Variants in TPTE observed in about 807,000 individuals in gnomAD.
TPTE encodes the protein transmembrane phosphatase with tensin homology, also known as putative tyrosine-protein phosphatase TPTE.
In TPTE, 59 loss-of-function variants were observed where a neutral mutation model predicts 84.1. That is an observed-to-expected ratio of 0.70 (90% CI 0.57 to 0.87). The LOEUF is 0.87. Ranked by LOEUF, TPTE falls within the 40% of genes least tolerant of loss-of-function variation. The pLI, the probability that TPTE is intolerant of heterozygous loss-of-function variation, is 0.00. For missense variants in TPTE, 382 were observed against 659.6 expected (o/e 0.58, Z 4.61); for synonymous variants, 130 against 223.5 (o/e 0.58, Z 3.73).
At chr21:10,532,016 G>A (rs897429931) in intron 3 of TPTE, among the ~76,000 whole-genome samples, 1 of 152,306 alleles carries the variant, frequency 6.6e-6, no homozygotes, top group African/African-American at 2.4e-5. Flanking sequence ...GATACTTATG[G>A]CATCCCTACA....
At chr21:10,602,432 A>G (rs1978664818) in intron 22 of TPTE, among the ~76,000 whole-genome samples, 2 of 152,302 alleles carry the variant, frequency 1.3e-5, no homozygotes, top group African/African-American at 4.8e-5. Context: ...GATGCTAAAA[A>G]AAAAAAACCC....
intron 19 of TPTE, among the ~76,000 whole-genome samples, chr21:10,593,644 C>T (rs1270487790): frequency 2.0e-5 from 3 of 152,306 alleles, no homozygotes. Context: ...TACTATGATT[C>T]TCATAAATTA....
intron 4 of TPTE, among the ~76,000 whole-genome samples, chr21:10,540,511 C>G (rs2074349422): frequency 6.6e-6 from 1 of 152,256 alleles, no homozygotes; most frequent in Admixed American, 6.5e-5. Flanking sequence ...AGAAGCGAAT[C>G]CTGCTTGCAG....
At chr21:10,604,810 T>C (rs530363831) in intron 23 of TPTE, among the ~76,000 whole-genome samples, 90 of 152,050 alleles carry the variant, frequency 5.9e-4, no homozygotes, top group Admixed American at 1.2e-3. Context: ...TTTATTCTTA[T>C]TTTATATAAA....
At chr21:10,590,949 A>T (rs2075463317) in intron 18 of TPTE, among the ~76,000 whole-genome samples, 1 of 152,308 alleles carries the variant, frequency 6.6e-6, no homozygotes, top group Non-Finnish European at 1.5e-5. Context: ...TTCAGTAATC[A>T]AGATGCTTCC....
Position 10,561,167 on chromosome 21 carries a change from T to A in TPTE, c.422T>A (p.Val141Asp). The change falls in exon 10 of 24, where the codon GTT (valine) becomes GAT (aspartate). Residue 141 changes from valine to aspartate, a missense_variant. Physicochemically the swap from Val to Asp is radical, Grantham distance 152 (BLOSUM62 -3). Around this residue, in one of 10 missense-constraint regions of TPTE, gnomAD observed 85 missense variants for 230.9 expected, o/e 0.37. Transcript: ENST00000618007. ...ATTGCCTTATTTTTTCTCATGGATG[T>A]TCTTCTTCGAGTATTTGTAGAAAGG... ...LAIALFFLMD[V>D]LLRVFVERRQ... 1.2e-6 allele frequency: 2 copies of A among 1,610,830 alleles called. No individual in the cohort carries two copies. The highest frequency in any genetic ancestry group is 2.2e-5 in the East Asian group (1 of 44,824).
At chr21:10,531,182 A>T (rs1375245089) in intron 3 of TPTE, among the ~76,000 whole-genome samples, 4 of 152,306 alleles carry the variant, frequency 2.6e-5, no homozygotes, top group African/African-American at 9.6e-5. Context: ...TATTGTTTGG[A>T]GATTTGTACC....
At chr21:10,529,967 A>G (rs1276308381) in intron 3 of TPTE, among the ~76,000 whole-genome samples, 1 of 152,290 alleles carries the variant, frequency 6.6e-6, no homozygotes, top group Non-Finnish European at 1.5e-5. Flanking sequence ...TCATTCTATT[A>G]TAAGGAGAGC....
intron 10 of TPTE, among the ~76,000 whole-genome samples, chr21:10,562,353 A>G (rs1361678304): frequency 8.5e-5 from 13 of 152,304 alleles, no homozygotes; most frequent in African/African-American, 1.7e-4. Context: ...CCAGACACCA[A>G]AGAACATCTG....
intron 20 of TPTE, 28 bp from the exon 21 acceptor site, chr21:10,597,987 A>C: frequency 6.2e-7 from 1 of 1,611,952 alleles, no homozygotes; most frequent in East Asian, 2.2e-5. Context: ...AGCCAACCTA[A>C]CTTTTTAATT....
At chr21:10,597,082 G>C (rs562162889) in intron 20 of TPTE, among the ~76,000 whole-genome samples, 2 of 152,308 alleles carry the variant, frequency 1.3e-5, no homozygotes, top group East Asian at 1.9e-4. Context: ...TCAATGTAGA[G>C]TTGAGAGGAA....
chr21:10,557,001 C>T (rs1167099575), intron 8 of TPTE, among the ~76,000 whole-genome samples: 1 of 152,310 alleles, frequency 6.6e-6, no homozygotes, highest in Admixed American at 6.5e-5. Flanking sequence ...GTTGCCTGTT[C>T]ACTCTGATGG....
At chr21:10,531,549 T>C (rs1322581765) in intron 3 of TPTE, among the ~76,000 whole-genome samples, 1 of 152,306 alleles carries the variant, frequency 6.6e-6, no homozygotes, top group Non-Finnish European at 1.5e-5. Flanking sequence ...ATGGCAACAC[T>C]AAACAGACTC....
chr21:10,572,535 T>G (rs2075066713), intron 14 of TPTE, among the ~76,000 whole-genome samples: 1 of 152,220 alleles, frequency 6.6e-6, no homozygotes, highest in Non-Finnish European at 1.5e-5. Flanking sequence ...TCCATTTGAT[T>G]AGCAGTAGAT....
At chr21:10,527,157 T>TCTCACACA (rs1555885306) in intron 2 of TPTE, among the ~76,000 whole-genome samples, 198 bp from the exon 3 acceptor site, 1 of 150,288 alleles carries the variant, frequency 6.7e-6, no homozygotes, top group African/African-American at 2.5e-5. Context: ...TCTCTCTCTC[T>TCTCACACA]CACACACACA....
chr21:10,599,071 A>C, intron 21 of TPTE, among the ~76,000 whole-genome samples: 1 of 152,310 alleles, frequency 6.6e-6, no homozygotes, highest in Non-Finnish European at 1.5e-5. Flanking sequence ...TACAACATGA[A>C]CAGTTTCCAC....
intron 4 of TPTE, among the ~76,000 whole-genome samples, chr21:10,539,066 A>G (rs1217577539): frequency 6.6e-5 from 10 of 152,304 alleles, no homozygotes; most frequent in Non-Finnish European, 1.3e-4. Flanking sequence ...GGAGCAGGTC[A>G]TAAGAGAGCT....
chr21:10,578,016 GCAAA>G (rs1378991727), intron 15 of TPTE, among the ~76,000 whole-genome samples: 23 of 152,390 alleles, frequency 1.5e-4, no homozygotes, highest in African/African-American at 5.3e-4. Context: ...TTTTCAGGGG[GCAAA>G]CATTTTGGTC....
At chr21:10,605,112 C>G (rs1197159690) in intron 23 of TPTE, among the ~76,000 whole-genome samples, 2 of 152,308 alleles carry the variant, frequency 1.3e-5, no homozygotes, top group African/African-American at 2.4e-5. Flanking sequence ...TCATTCATGT[C>G]TATCCTGACT....
Sources: gnomAD v4.1 joint callset for allele counts (sites outside exome capture counted in the v4.1 genomes callset) on GRCh38, gnomAD v4.1.1 for gene constraint, gnomAD v4.1.1 regional missense constraint, MANE v1.5 for transcripts, NCBI Gene and HGNC (gene_info 2026-07-23, HGNC 2026-07-21) for gene names.